ZFP28: variants seen among roughly 807,000 people sequenced by gnomAD.
ZFP28 encodes the protein ZFP28 zinc finger protein.
In ZFP28, 31 loss-of-function variants were observed where a neutral mutation model predicts 39.5. That is an observed-to-expected ratio of 0.79 (90% CI 0.59 to 1.06). The LOEUF (loss-of-function observed/expected upper bound fraction) is 1.06. Ranked by LOEUF, ZFP28 falls within the 50% of genes least tolerant of loss-of-function variation. The pLI is 0.00. For synonymous variants in ZFP28, 400 were observed against 378.6 expected (o/e 1.06, Z -0.66); for missense variants, 925 against 1,048.4 (o/e 0.88, Z 1.63).
rs2044346262 is a variant in ZFP28 at position 56,555,838 on chromosome 19, C to T, written c.*446C>T. On this transcript the variant is annotated 3_prime_UTR_variant, in exon 8 of 8. Coordinates refer to ENST00000301318, the MANE Select transcript of ZFP28 (RefSeq NM_020828.2). ...CCTATGTGAATGTAAGGTGATGTGACCTTGTTGGTGAGAAAATTAAACTTT... is the reference window on the plus strand; with the variant it reads ...CCTATGTGAATGTAAGGTGATGTGATCTTGTTGGTGAGAAAATTAAACTTT... 6.4e-6 allele frequency: 1 copy of T among 156,226 alleles called. No individual in the cohort carries two copies. Among genetic ancestry groups the T allele is most frequent in the Non-Finnish European group, 1.4e-5 (1 of 71,120 alleles). The allele number at this position is 156,226 out of a possible 1,614,324, so 9.7% of individuals were successfully genotyped here. A position where few individuals can be genotyped will look rare whatever the true frequency, so the allele number is the denominator to read the frequency against.
In ZFP28 at chr19:56,555,428, G is replaced by A; in HGVS notation, c.*36G>A. 1.9e-6 allele frequency: 3 copies of A among 1,551,668 alleles called. No homozygotes were observed. Among genetic ancestry groups the A allele is most frequent in the Non-Finnish European group, 2.6e-6 (3 of 1,152,558 alleles). ...TCATTTCTGTTTGACTACTCCAGCA[G>A]TTTAAAACCCCATCTCCCTGCCCTT... On this transcript the variant is annotated 3_prime_UTR_variant, in exon 8 of 8. Transcript: ENST00000301318.
chr19:56,548,603 A>G lies in ZFP28; in HGVS notation c.524-355A>G, dbSNP rs113780624. Reference sequence around the variant, plus strand: ...TCTATAGCCTCCACTTTCTCTTTATATTAGACATTTTATTTTACATTTAAG... The same window carrying G: ...TCTATAGCCTCCACTTTCTCTTTATGTTAGACATTTTATTTTACATTTAAG... On this transcript the variant is annotated intron_variant, in intron 4 of 7. Transcript: ENST00000301318. 3.6e-3 allele frequency: 586 copies of G among 162,514 alleles called. 4 individuals are homozygous for G. The highest frequency in any genetic ancestry group is 5.7e-3 in the Non-Finnish European group (426 of 75,150). The allele number at this position is 162,514 out of a possible 1,614,324, so 10.1% of individuals were successfully genotyped here.
intron 7 of ZFP28, chr19:56,551,668 A>T: frequency 2.0e-6 from 2 of 985,400 alleles, no homozygotes; most frequent in Non-Finnish European, 2.4e-6. Context: ...GCATCTTGAA[A>T]GTATTGGTTA....
Position 56,554,069 on chromosome 19 carries a change from T to G in ZFP28, c.1284T>G (p.Thr428=). 3 of 1,614,190 alleles carry G rather than the reference T, an allele frequency of 1.9e-6. No individual in the cohort carries two copies. The highest frequency in any genetic ancestry group is 2.5e-6 in the Non-Finnish European group (3 of 1,180,030). Residue 428 remains threonine (T), a synonymous_variant, in exon 8 of 8, where the codon ACT becomes ACG. Coordinates refer to ENST00000301318, the MANE Select transcript of ZFP28 (RefSeq NM_020828.2). This position sits in a 1 kb window ranked among gnomAD's most constrained non-coding sequence, Gnocchi z 6.7. ...KLFKCNECKK[T]FTQSSSLTVH... The stretch of plus-strand genomic sequence containing the variant: ...TCAAGTGTAATGAATGTAAGAAAAC[T>G]TTTACCCAGAGCTCATCTCTTACTG...
intron 2 of ZFP28, among the ~76,000 whole-genome samples, chr19:56,542,779 T>C (rs1450989410): frequency 6.6e-6 from 1 of 152,030 alleles, no homozygotes; most frequent in Non-Finnish European, 1.5e-5. Context: ...GTTTTTTTGC[T>C]TTTAGAGACA....
upstream of ZFP28, chr19:56,538,291 AT>A (rs1353546023): frequency 3.9e-5 from 6 of 152,204 alleles, no homozygotes; most frequent in Admixed American, 3.3e-4. Context: ...GGCCCCCAAG[AT>A]TGCCTTTCCC....
At chr19:56,538,912 T>C (rs1259842206), upstream of ZFP28, 4 of 801,710 alleles carry the variant, frequency 5.0e-6, no homozygotes, top group Non-Finnish European at 6.1e-6. Flanking sequence ...TGCCGGGCCA[T>C]GGGGGAGCGC....
At chr19:56,549,156 G>T in intron 5 of ZFP28, 35 bp downstream of exon 5, 1 of 1,580,800 alleles carries the variant, frequency 6.3e-7, no homozygotes, top group Non-Finnish European at 8.6e-7. Flanking sequence ...CAAGAGGAAG[G>T]ATCCTTCATG....
At chr19:56,551,116 G>C (rs2044298069) in intron 7 of ZFP28, 49 of 1,025,660 alleles carry the variant, frequency 4.8e-5, no homozygotes, top group Non-Finnish European at 5.4e-5. Context: ...GCATGAAGTA[G>C]AGTTTGCAGA....
chr19:56,539,006 G>A lies in ZFP28; in HGVS notation c.-13G>A. On this transcript the variant is annotated 5_prime_UTR_variant, in exon 1 of 8. Transcript: ENST00000301318. ...GGGACCGGTCGGAAGGGCGTCGCGC[G>A]GCCTCGGGTGACATGCGGGGGGCGG... 1 of 1,390,956 alleles carries A rather than the reference G, an allele frequency of 7.2e-7. No homozygotes were observed. The allele number at this position is 1,390,956 out of a possible 1,614,324, so 86.2% of individuals were successfully genotyped here. A position where few individuals can be genotyped will look rare whatever the true frequency, so the allele number is the denominator to read the frequency against.
intron 2 of ZFP28, among the ~76,000 whole-genome samples, chr19:56,543,301 TTGTG>T (rs914569474): frequency 2.7e-5 from 4 of 148,512 alleles, no homozygotes; most frequent in Admixed American, 6.7e-5. Flanking sequence ...GTCTCTATCT[TTGTG>T]TGTGTGCGTG....
intron 2 of ZFP28, among the ~76,000 whole-genome samples, chr19:56,541,975 C>T (rs2044199666): frequency 1.3e-5 from 2 of 149,924 alleles, no homozygotes; most frequent in African/African-American, 2.5e-5. Flanking sequence ...GATCCGCCCA[C>T]CTCAGCCTCC....
chr19:56,551,547 G>GA (rs770853735), intron 7 of ZFP28: 6 of 985,068 alleles, frequency 6.1e-6, no homozygotes, highest in Non-Finnish European at 7.2e-6. Context: ...CAAGTTAAGT[G>GA]AAAACTACAC....
At chr19:56,549,258 C>T (rs2044271975) in intron 5 of ZFP28, 137 bp downstream of exon 5, 6 of 1,004,762 alleles carry the variant, frequency 6.0e-6, no homozygotes, top group Non-Finnish European at 8.4e-6. Context: ...ACAGATTATC[C>T]CCTCAGAACA....
Position 56,547,689 on chromosome 19 carries a change from G to A in ZFP28, c.427+55G>A. On this transcript the variant is annotated intron_variant, in intron 3 of 7. Transcript: ENST00000301318. The surrounding 1 kb of genome is among the most constrained non-coding windows in gnomAD (Gnocchi z 4.6). ...TCACCCTACCCACGTCCTGGACTAA[G>A]AAGCCTTTCATGCCTTTATCACCCA... The A allele has an allele frequency of 6.3e-7, 1 of 1,579,436 alleles. No homozygotes were observed. Among genetic ancestry groups the A allele is most frequent in the Non-Finnish European group, 8.6e-7 (1 of 1,160,742 alleles).
intron 2 of ZFP28, among the ~76,000 whole-genome samples, chr19:56,540,532 C>G (rs1170065854): frequency 6.6e-6 from 1 of 152,204 alleles, no homozygotes. Flanking sequence ...ACCCAAACTG[C>G]TCTTGAGTGG....
At chr19:56,538,371 C>G (rs935172832), upstream of ZFP28, 1 of 152,532 alleles carries the variant, frequency 6.6e-6, no homozygotes, top group Non-Finnish European at 1.5e-5. Flanking sequence ...CACAGCCAAG[C>G]ACCCTTTTAC....
Position 56,554,462 on chromosome 19 carries a change from A to G in ZFP28, c.1677A>G (p.Lys559=). The G allele has an allele frequency of 6.2e-7, 1 of 1,614,152 alleles. No homozygotes were observed. The highest frequency in any genetic ancestry group is 2.2e-5 in the East Asian group (1 of 44,884). The change falls in exon 8 of 8, where the codon AAA becomes AAG. Residue 559 remains lysine (K), a synonymous_variant. Coordinates refer to ENST00000301318, the MANE Select transcript of ZFP28 (RefSeq NM_020828.2). The surrounding 1 kb of genome is among the most constrained non-coding windows in gnomAD (Gnocchi z 6.7). ...TVHQRIHTGE[K]PYECDVCRKA... ...ATCAAAGGATTCATACCGGAGAAAAACCATATGAATGTGATGTTTGCAGAA... is the reference window on the plus strand; with the variant it reads ...ATCAAAGGATTCATACCGGAGAAAAGCCATATGAATGTGATGTTTGCAGAA...
intron 7 of ZFP28, chr19:56,551,714 G>C (rs2044305384): frequency 1.1e-5 from 11 of 984,200 alleles, no homozygotes; most frequent in Non-Finnish European, 1.3e-5. Context: ...TTTGTTGAAA[G>C]ATTATACACT....
Sources: allele counts gnomAD v4.1 joint callset (sites outside exome capture counted in the v4.1 genomes callset), GRCh38; gene constraint gnomAD v4.1.1; non-coding constraint Gnocchi (gnomAD v3.1); transcripts MANE v1.5; gene names NCBI Gene and HGNC (gene_info 2026-07-23, HGNC 2026-07-21).